Variants in GNPTAB observed in about 807,000 individuals in gnomAD.
GNPTAB encodes the protein N-acetylglucosamine-1-phosphotransferase subunits alpha/beta.
A neutral mutation model predicts 136.6 loss-of-function variants in GNPTAB; 92 were observed. The ratio of observed to expected loss-of-function variants is 0.67; its 90% CI spans 0.57 to 0.80. The LOEUF (loss-of-function observed/expected upper bound fraction) is 0.80, where lower values mean the gene tolerates loss of function less well. Among genes scored for constraint, GNPTAB ranks in the 30% least tolerant of loss-of-function variants. The probability of loss-of-function intolerance (pLI) is 0.00; values close to 1 mark genes in which losing one functional copy is unlikely to be tolerated. For synonymous variants in GNPTAB, 512 were observed against 535.1 expected, an observed-to-expected ratio of 0.96 and a Z score of 0.60; for missense variants, 1,343 against 1,501.8, an observed-to-expected ratio of 0.89 and a Z score of 1.75.
chr12:101,805,529 C>T (rs1054884944), intron 1 of GNPTAB, among the ~76,000 whole-genome samples: 2 of 152,050 alleles, frequency 1.3e-5, no homozygotes, highest in African/African-American at 2.4e-5. Flanking sequence ...TGCGTAGCTG[C>T]GACTACAGGT....
chr12:101,805,353 T>C (rs1230485732), intron 1 of GNPTAB, among the ~76,000 whole-genome samples: 1 of 152,224 alleles, frequency 6.6e-6, no homozygotes, highest in Non-Finnish European at 1.5e-5. Context: ...AAAAATGAAT[T>C]TGAAATGCTA....
chr12:101,812,305 A>C (rs1406799122), intron 1 of GNPTAB, among the ~76,000 whole-genome samples: 1 of 152,120 alleles, frequency 6.6e-6, no homozygotes, highest in Admixed American at 6.5e-5. Context: ...CACTAACACG[A>C]GAAGAGCAAG....
chr12:101,796,048 C>T (rs575281904), intron 2 of GNPTAB: 30 of 511,266 alleles, frequency 5.9e-5, no homozygotes, highest in African/African-American at 5.3e-4. Flanking sequence ...GAAAGACCCA[C>T]ACTAATGAGG....
At position 101,766,342 on chromosome 12, in the gene GNPTAB, G is replaced by GA. The variant is rs760882335; in HGVS notation, c.1409-49dup. ...GGATTCTTGCTGTAATTACAATTTT[G>GA]AAAGACAGTTCTGGACTGGGTGTGG... On this transcript the variant is annotated intron_variant, in intron 11 of 20. Coordinates refer to ENST00000299314, the MANE Select transcript of GNPTAB (RefSeq NM_024312.5). 4 of 1,533,792 alleles carry GA rather than the reference G, an allele frequency of 2.6e-6. No individual in the cohort carries two copies. The Admixed American group carries it at 6.7e-5, about 26-fold the overall frequency.
chr12:101,786,285 A>C, intron 4 of GNPTAB, 68 bp from the exon 5 acceptor site: 1 of 1,258,662 alleles, frequency 7.9e-7, no homozygotes, highest in Non-Finnish European at 1.1e-6. Context: ...GAAGCTTGTC[A>C]TACTACTAAA....
chr12:101,825,656 A>G (rs1179351819), intron 1 of GNPTAB, among the ~76,000 whole-genome samples: 2 of 151,428 alleles, frequency 1.3e-5, no homozygotes, highest in Non-Finnish European at 2.9e-5. Context: ...CCCTTTAAAA[A>G]GGCTCTGTGT....
At position 101,780,269 on chromosome 12, in the gene GNPTAB, G is replaced by A. The variant is rs764176988; in HGVS notation, c.654C>T (p.Val218=). The A allele has an allele frequency of 6.2e-7, 1 of 1,613,910 alleles. No homozygotes were observed. Among genetic ancestry groups the A allele is most frequent in the Middle Eastern group, 1.6e-4 (1 of 6,062 alleles). The part of the protein sequence containing the change: ...WRGYLTTDKE[V]PGLVLMQDLA... Reference sequence around the variant, plus strand: ...AATCTTGCATTAGCACTAATCCAGGGACTTCTTTATCTGTTGTCTAAAATA... The same window carrying A: ...AATCTTGCATTAGCACTAATCCAGGAACTTCTTTATCTGTTGTCTAAAATA... The change falls in exon 7 of 21, where the codon GTC becomes GTT. Residue 218 remains valine (V), a synonymous_variant. Transcript: ENST00000299314.
At chr12:101,771,293 G>C in intron 7 of GNPTAB, 136 bp from the exon 8 acceptor site, 2 of 763,004 alleles carry the variant, frequency 2.6e-6, no homozygotes, top group East Asian at 2.7e-5. Flanking sequence ...CGCCAGGCTG[G>C]AGCGCAGTGG....
chr12:101,757,679 T>C, intron 16 of GNPTAB, 22 bp from the exon 17 acceptor site: 1 of 1,180,516 alleles, frequency 8.5e-7, no homozygotes, highest in Non-Finnish European at 1.3e-6. Flanking sequence ...TATAAGTAGA[T>C]CAGATATCAC....
At chr12:101,780,004 G>C (rs1456018170) in intron 7 of GNPTAB, 148 bp downstream of exon 7, 2 of 796,650 alleles carry the variant, frequency 2.5e-6, no homozygotes, top group East Asian at 2.5e-5. Context: ...TAAAAGTAAG[G>C]AGTGAGGCTC....
chr12:101,782,259 A>T (rs1594231046), intron 5 of GNPTAB, among the ~76,000 whole-genome samples: 1 of 152,130 alleles, frequency 6.6e-6, no homozygotes, highest in African/African-American at 2.4e-5. Context: ...AACCAACTAC[A>T]CAAGCATACA....
rs373601030 is a variant in GNPTAB at position 101,799,861 on chromosome 12, G to C, written c.118-3099C>G. Among the ~76,000 whole-genome samples, 82 of 152,074 alleles carry C rather than the reference G, an allele frequency of 5.4e-4. 1 individual carries two copies. The highest frequency in any genetic ancestry group is 1.3e-3 in the Admixed American group (20 of 15,274). The stretch of plus-strand genomic sequence containing the variant: ...ATCTCTAATCAGCCTCTAGATTTGG[G>C]GTGGGGGTGGGAGGGAAGAGGAGGG... On this transcript the variant is annotated intron_variant, in intron 1 of 20. Coordinates refer to ENST00000299314, the MANE Select transcript of GNPTAB (RefSeq NM_024312.5).
intron 7 of GNPTAB, among the ~76,000 whole-genome samples, chr12:101,774,360 A>T (rs1194924982): frequency 6.6e-6 from 1 of 152,252 alleles, no homozygotes; most frequent in Non-Finnish European, 1.5e-5. Context: ...AATTAAGTGG[A>T]ATGTGTAATT....
intron 20 of GNPTAB, 105 bp from the exon 21 acceptor site, chr12:101,747,346 T>A: frequency 2.9e-6 from 2 of 697,920 alleles, no homozygotes; most frequent in East Asian, 5.4e-5. Flanking sequence ...ATTTCCACAA[T>A]CTTATACATT....
rs1010789764 is a variant in GNPTAB at position 101,749,410 on chromosome 12, A to G, written c.3603-219T>C. 2.6e-5 allele frequency among the ~76,000 whole-genome samples: 4 copies of G among 152,220 alleles called. No individual in the cohort carries two copies. In the East Asian group the frequency reaches 7.7e-4, roughly 29 times the overall value. ...TATACTTGAATTAGTGAAGTTATCC[A>G]GGCAGGAGAGAGGACTTCAAAAGAA... On this transcript the variant is annotated intron_variant, in intron 19 of 20. Coordinates refer to ENST00000299314, the MANE Select transcript of GNPTAB (RefSeq NM_024312.5).
rs1345471867 is a variant in GNPTAB at position 101,830,796 on chromosome 12, G to T, written c.-121C>A. 4 of 442,814 alleles carry T rather than the reference G, an allele frequency of 9.0e-6. No homozygotes were observed. The highest frequency in any genetic ancestry group is 1.2e-5 in the Non-Finnish European group (3 of 249,132). The allele number at this position is 442,814 out of a possible 1,614,324, so 27.4% of individuals were successfully genotyped here. ...CCGCCGCGCGCAGGTCACAGCCTCC[G>T]GGCGCCGCTCATTGCAGCTCCGGCG... On this transcript the variant is annotated 5_prime_UTR_variant, in exon 1 of 21. Transcript: ENST00000299314.
chr12:101,770,930 T>A (rs1469819215), intron 8 of GNPTAB, 66 bp downstream of exon 8: 2 of 1,447,368 alleles, frequency 1.4e-6, no homozygotes. Context: ...TCTAATATAG[T>A]AACTTACACA....
chr12:101,823,257 G>A (rs767972389), intron 1 of GNPTAB, among the ~76,000 whole-genome samples: 1 of 152,280 alleles, frequency 6.6e-6, no homozygotes, highest in South Asian at 2.1e-4. Flanking sequence ...CAGGGTGCCA[G>A]GTATGCGGTG....
At chr12:101,769,031 A>T (rs1293606637) in intron 10 of GNPTAB, among the ~76,000 whole-genome samples, 1 of 152,232 alleles carries the variant, frequency 6.6e-6, no homozygotes, top group African/African-American at 2.4e-5. Context: ...GGGGAACAGG[A>T]GAATGGGCCT....
Sources: allele counts gnomAD v4.1 joint callset (sites outside exome capture counted in the v4.1 genomes callset), GRCh38; gene constraint gnomAD v4.1.1; transcripts MANE v1.5; gene names NCBI Gene and HGNC (gene_info 2026-07-23, HGNC 2026-07-21).